LRRTM3: variants seen among roughly 807,000 people sequenced by gnomAD.
LRRTM3 encodes the protein leucine rich repeat transmembrane neuronal 3, also known as leucine-rich repeat transmembrane neuronal protein 3.
LRRTM3 carries 24 observed loss-of-function variants against 44.7 expected under a neutral mutation model. That is an observed-to-expected ratio of 0.54 (90% CI 0.39 to 0.76). The LOEUF (loss-of-function observed/expected upper bound fraction) is 0.76. LRRTM3 is among the 30% of genes least tolerant of loss of function. The pLI, the probability that LRRTM3 is intolerant of heterozygous loss-of-function variation, is 0.00. For missense variants in LRRTM3, 587 were observed against 702.2 expected, an observed-to-expected ratio of 0.84 and a Z score of 1.85; for synonymous variants, 277 against 278.7, an observed-to-expected ratio of 0.99 and a Z score of 0.06.
Position 66,928,206 on chromosome 10 carries a change from C to T in LRRTM3, c.1290C>T (p.Ser430=). The change falls in exon 2 of 3, where the codon TCC becomes TCT. Residue 430 remains serine, a synonymous_variant. Transcript: ENST00000361320. ...IIAGSVALFL[S]VLVILLVIYV... ...CGGGCAGCGTGGCGCTTTTCCTGTC[C>T]GTGCTCGTCATCCTGCTGGTTATCT... The T allele has an allele frequency of 5.0e-6, 8 of 1,614,092 alleles. No homozygotes were observed. Among genetic ancestry groups the T allele is most frequent in the Admixed American group, 1.7e-5 (1 of 60,008 alleles).
At chr10:67,049,994 A>G (rs1157319101) in intron 2 of LRRTM3, among the ~76,000 whole-genome samples, 2 of 152,228 alleles carry the variant, frequency 1.3e-5, no homozygotes, top group Non-Finnish European at 2.9e-5. Context: ...GTATTATTTA[A>G]TGCAGTATCC....
chr10:66,985,753 G>C (rs773880962), intron 2 of LRRTM3, among the ~76,000 whole-genome samples: 9 of 152,096 alleles, frequency 5.9e-5, no homozygotes, highest in Non-Finnish European at 1.3e-4. Context: ...TTTTGAGACA[G>C]AGTCTCACTC....
rs367797236 is a variant in LRRTM3 at position 67,097,808 on chromosome 10, G to T, written c.*12G>T. On this transcript the variant is annotated 3_prime_UTR_variant, in exon 3 of 3. Transcript: ENST00000361320. The stretch of plus-strand genomic sequence containing the variant: ...AGCAGCTAGCTTAACTGAGATCATT[G>T]GTAGCCAGGGGTTGCTACCAAACTT... 1 of 1,610,954 alleles carries T rather than the reference G, an allele frequency of 6.2e-7. No homozygotes were observed. Among genetic ancestry groups the T allele is most frequent in the Non-Finnish European group, 8.5e-7 (1 of 1,178,022 alleles).
intron 2 of LRRTM3, among the ~76,000 whole-genome samples, chr10:67,047,527 T>C (rs1854829549): frequency 6.6e-6 from 1 of 152,120 alleles, no homozygotes; most frequent in Non-Finnish European, 1.5e-5. Context: ...GGCAGAAACA[T>C]GTGTGCTTCT....
intron 2 of LRRTM3, among the ~76,000 whole-genome samples, chr10:66,965,557 A>G (rs1849363430): frequency 2.7e-5 from 2 of 74,348 alleles, no homozygotes; most frequent in Non-Finnish European, 5.5e-5. Flanking sequence ...AAGAAAAAAA[A>G]AAAAGCTGTT....
chr10:67,046,148 C>G (rs1173759204), intron 2 of LRRTM3, among the ~76,000 whole-genome samples: 1 of 152,152 alleles, frequency 6.6e-6, no homozygotes, highest in Non-Finnish European at 1.5e-5. Context: ...CACATAACTA[C>G]CTCTATTATC....
At chr10:67,005,326 G>A (rs572704081) in intron 2 of LRRTM3, among the ~76,000 whole-genome samples, 2 of 152,132 alleles carry the variant, frequency 1.3e-5, no homozygotes, top group Admixed American at 1.3e-4. Context: ...ATAATTGAAG[G>A]GAGAAAACAC....
At chr10:66,992,327 A>G (rs1851085975) in intron 2 of LRRTM3, among the ~76,000 whole-genome samples, 1 of 151,948 alleles carries the variant, frequency 6.6e-6, no homozygotes, top group African/African-American at 2.4e-5. Flanking sequence ...CTGTAAATCA[A>G]CTGTTTATAT....
intron 2 of LRRTM3, among the ~76,000 whole-genome samples, chr10:67,035,280 C>T (rs1853976634): frequency 6.6e-6 from 1 of 152,112 alleles, no homozygotes; most frequent in Non-Finnish European, 1.5e-5. Context: ...CTGCAAGTCA[C>T]TAGATTTCTT....
chr10:66,981,372 G>C (rs1396916482), intron 2 of LRRTM3, among the ~76,000 whole-genome samples: 2 of 152,086 alleles, frequency 1.3e-5, no homozygotes, highest in African/African-American at 4.8e-5. Context: ...GCTCACTCAG[G>C]CATAAGTCAC....
intron 2 of LRRTM3, among the ~76,000 whole-genome samples, chr10:67,047,343 G>C (rs544080495): frequency 6.6e-6 from 1 of 152,272 alleles, no homozygotes; most frequent in East Asian, 1.9e-4. Context: ...GTGCCCCTAG[G>C]AGGAGACTGT....
At chr10:67,085,296 T>G (rs1857242778) in intron 2 of LRRTM3, among the ~76,000 whole-genome samples, 1 of 151,902 alleles carries the variant, frequency 6.6e-6, no homozygotes, top group Non-Finnish European at 1.5e-5. Flanking sequence ...CTAGTCTTCT[T>G]GTTTATTATT....
chr10:66,934,211 C>A (rs12764815), intron 2 of LRRTM3, among the ~76,000 whole-genome samples: 6,626 of 152,122 alleles, frequency 0.044, 178 homozygotes, highest in Middle Eastern at 0.085. Context: ...CTATCTTATC[C>A]TTTCCAGCAA....
intron 2 of LRRTM3, among the ~76,000 whole-genome samples, chr10:66,977,253 A>G (rs998122020): frequency 6.6e-6 from 1 of 152,098 alleles, no homozygotes; most frequent in Non-Finnish European, 1.5e-5. Flanking sequence ...ACTGGCCAAC[A>G]TGGTGAAACC....
At chr10:67,029,135 T>A (rs928354298) in intron 2 of LRRTM3, among the ~76,000 whole-genome samples, 1 of 152,200 alleles carries the variant, frequency 6.6e-6, no homozygotes, top group African/African-American at 2.4e-5. Context: ...CTGTTCAGCA[T>A]AATCACCTCT....
chr10:66,961,186 T>C (rs1336634146), intron 2 of LRRTM3, among the ~76,000 whole-genome samples: 2 of 152,184 alleles, frequency 1.3e-5, no homozygotes, highest in Non-Finnish European at 2.9e-5. Context: ...CTAGCTATAA[T>C]ACCTGTAGTC....
At position 67,016,382 on chromosome 10, in the gene LRRTM3, G is replaced by A. The variant is rs544719611; in HGVS notation, c.1537-81205G>A. Among the ~76,000 whole-genome samples the A allele has an allele frequency of 2.6e-5, 4 of 152,156 alleles. No homozygotes were observed. The East Asian group carries it at 7.7e-4, about 29-fold the overall frequency. ...GTTCTTCCCTCGTTTCTTTTTGTTT[G>A]TTTGTTTTATTTAAGGAGTTTGCAT... On this transcript the variant is annotated intron_variant, in intron 2 of 2. Coordinates refer to ENST00000361320, the MANE Select transcript of LRRTM3 (RefSeq NM_178011.5).
intron 2 of LRRTM3, among the ~76,000 whole-genome samples, chr10:66,958,244 T>C (rs944480593): frequency 6.6e-6 from 1 of 150,736 alleles, no homozygotes; most frequent in Non-Finnish European, 1.5e-5. Context: ...ACAGGAAGAT[T>C]TAGCAACTTA....
intron 2 of LRRTM3, among the ~76,000 whole-genome samples, chr10:66,983,867 T>G (rs1850583609): frequency 6.6e-6 from 1 of 152,230 alleles, no homozygotes; most frequent in African/African-American, 2.4e-5. Flanking sequence ...AAATAATAGC[T>G]AATGTTTTAG....
Sources: allele counts gnomAD v4.1 joint callset (sites outside exome capture counted in the v4.1 genomes callset), GRCh38; gene constraint gnomAD v4.1.1; transcripts MANE v1.5; gene names NCBI Gene and HGNC (gene_info 2026-07-23, HGNC 2026-07-21).